LTA4H: variants seen among roughly 807,000 people sequenced by gnomAD.
The protein encoded by LTA4H is leukotriene A-4 hydrolase.
Under a neutral mutation model 89.8 loss-of-function variants are expected in LTA4H, and 59 were observed. The observed-to-expected ratio is 0.66, with a 90% CI of 0.53 to 0.82. LTA4H has a LOEUF of 0.82. Among genes scored for constraint, LTA4H ranks in the 40% least tolerant of loss-of-function variants. The pLI is 0.00. For synonymous variants in LTA4H, 227 were observed against 253.1 expected, an observed-to-expected ratio of 0.90 and a Z score of 0.98; for missense variants, 617 against 727.0, an observed-to-expected ratio of 0.85 and a Z score of 1.74.
upstream of LTA4H, among the ~76,000 whole-genome samples, chr12:96,035,991 G>C (rs1383919470): frequency 6.6e-6 from 1 of 152,196 alleles, no homozygotes; most frequent in Non-Finnish European, 1.5e-5. Context: ...ACGTAGAAAA[G>C]GCCTATCAGA....
At chr12:96,035,247 G>T (rs941418244) in intron 1 of LTA4H, 114 bp downstream of exon 1, 1 of 1,085,820 alleles carries the variant, frequency 9.2e-7, no homozygotes, top group Non-Finnish European at 1.3e-6. Flanking sequence ...CGGGGACGTG[G>T]GGCTAGGCAG....
chr12:96,020,899 T>C, intron 6 of LTA4H, 186 bp downstream of exon 6: 1 of 535,964 alleles, frequency 1.9e-6, no homozygotes, highest in Non-Finnish European at 3.3e-6. Flanking sequence ...AAATAAGGGG[T>C]AACTGGTCAA....
intron 7 of LTA4H, 56 bp downstream of exon 7, chr12:96,019,112 A>G: frequency 6.7e-7 from 1 of 1,499,956 alleles, no homozygotes; most frequent in Non-Finnish European, 9.1e-7. Context: ...TTCACACTCA[A>G]AATCTTCAAT....
chr12:96,012,351 T>C (rs1267947160), intron 14 of LTA4H: 1 of 152,192 alleles, frequency 6.6e-6, no homozygotes, highest in African/African-American at 2.4e-5. Flanking sequence ...CCATGGTCAG[T>C]GTCCTCACAC....
At chr12:96,040,329 G>C (rs553243411), upstream of LTA4H, among the ~76,000 whole-genome samples, 5 of 152,174 alleles carry the variant, frequency 3.3e-5, no homozygotes, top group Non-Finnish European at 7.4e-5. Context: ...CATCTGGCAT[G>C]ATAGAGATCA....
intron 1 of LTA4H, among the ~76,000 whole-genome samples, chr12:96,041,015 A>G (rs994242206): frequency 1.3e-5 from 2 of 152,232 alleles, no homozygotes; most frequent in African/African-American, 2.4e-5. Flanking sequence ...TAACATTGCC[A>G]GTTGATATTA....
chr12:96,033,505 G>C (rs149655011), intron 1 of LTA4H, among the ~76,000 whole-genome samples: 1 of 152,282 alleles, frequency 6.6e-6, no homozygotes, highest in East Asian at 1.9e-4. Flanking sequence ...TAGTACTTTT[G>C]AATGTAGGAC....
At chr12:96,018,421 CACCT>C (rs1289138374) in intron 8 of LTA4H, among the ~76,000 whole-genome samples, 1 of 152,032 alleles carries the variant, frequency 6.6e-6, no homozygotes, top group Non-Finnish European at 1.5e-5. Flanking sequence ...TGGTGGTGTG[CACCT>C]ATAGTCCCAG....
At position 96,022,390 on chromosome 12, in the gene LTA4H, C is replaced by G. The variant is rs1950463775; in HGVS notation, c.481-139G>C. The stretch of plus-strand genomic sequence containing the variant: ...TGAACACAAAAAGTATATACATATA[C>G]AAAAAGTATATATATACACACACAT... On this transcript the variant is annotated intron_variant, in intron 4 of 18. Transcript: ENST00000228740. The surrounding 1 kb of genome is among the most constrained non-coding windows in gnomAD (Gnocchi z 4.0). 2.4e-5 allele frequency: 14 copies of G among 594,848 alleles called. No homozygotes were observed. The highest frequency in any genetic ancestry group is 3.0e-6 in the Non-Finnish European group (1 of 338,642). The allele number at this position is 594,848 out of a possible 1,614,324, so 36.8% of individuals were successfully genotyped here. A position where few individuals can be genotyped will look rare whatever the true frequency, so the allele number is the denominator to read the frequency against.
intron 18 of LTA4H, 73 bp from the exon 19 acceptor site, chr12:96,001,179 A>G (rs1592858928): frequency 1.1e-6 from 1 of 919,098 alleles, no homozygotes; most frequent in Non-Finnish European, 1.8e-6. Flanking sequence ...GAGGGAGAGA[A>G]GAAAGAAAGG....
chr12:96,002,830 C>CT (rs1950126751), intron 18 of LTA4H, 130 bp downstream of exon 18: 1 of 624,064 alleles, frequency 1.6e-6, no homozygotes. Flanking sequence ...GTGTGAATCC[C>CT]TATTCCAAAA....
rs768476207 is a variant in LTA4H at position 96,017,519 on chromosome 12, T to C, written c.876+38A>G. On this transcript the variant is annotated intron_variant, in intron 9 of 18. Coordinates refer to ENST00000228740, the MANE Select transcript of LTA4H (RefSeq NM_000895.3). ...TTTTAAAATCAGTTGACGTAATACTTCTTGAAGGTAAGGCCATAATGAAAA... is the reference window on the plus strand; with the variant it reads ...TTTTAAAATCAGTTGACGTAATACTCCTTGAAGGTAAGGCCATAATGAAAA... 22 of 1,574,654 alleles carry C rather than the reference T, an allele frequency of 1.4e-5. No individual in the cohort carries two copies. The South Asian group carries it at 1.5e-4, about 10-fold the overall frequency.
At chr12:96,025,049 C>T (rs1950498567) in intron 3 of LTA4H, among the ~76,000 whole-genome samples, 2 of 152,286 alleles carry the variant, frequency 1.3e-5, no homozygotes, top group South Asian at 4.1e-4. Flanking sequence ...GGTTAACCCT[C>T]ACATTTCAGT....
Position 96,022,066 on chromosome 12 carries a change from G to A in LTA4H, c.585+81C>T. ...CTCAAAATTCTGAAATATTTCAAAA[G>A]TAATTTTGCCCTCTGGATGTGTACA... On this transcript the variant is annotated intron_variant, in intron 5 of 18. Coordinates refer to ENST00000228740, the MANE Select transcript of LTA4H (RefSeq NM_000895.3). This position sits in a 1 kb window ranked among gnomAD's most constrained non-coding sequence, Gnocchi z 4.0. 2.5e-6 allele frequency: 2 copies of A among 789,324 alleles called. No homozygotes were observed. The highest frequency in any genetic ancestry group is 4.2e-6 in the Non-Finnish European group (2 of 474,372). 48.9% of individuals were successfully genotyped at this position (789,324 alleles called of 1,614,324 possible). A position where few individuals can be genotyped will look rare whatever the true frequency, so the allele number is the denominator to read the frequency against.
intron 10 of LTA4H, among the ~76,000 whole-genome samples, chr12:96,016,183 G>A (rs759338904): frequency 9.7e-4 from 147 of 151,040 alleles, no homozygotes; most frequent in Non-Finnish European, 1.7e-3. Flanking sequence ...GCATGGTGGC[G>A]TGCACCTGTA....
chr12:96,019,711 C>T (rs1331101591), intron 6 of LTA4H, among the ~76,000 whole-genome samples: 1 of 151,358 alleles, frequency 6.6e-6, no homozygotes, highest in Non-Finnish European at 1.5e-5. Context: ...CCTGCCTCAG[C>T]CTCCCTAGTA....
intron 14 of LTA4H, chr12:96,012,336 A>C (rs554813642): frequency 6.6e-6 from 1 of 152,360 alleles, no homozygotes; most frequent in Non-Finnish European, 1.5e-5. Context: ...ATGCCATGGA[A>C]CATGCCATGG....
Position 96,027,567 on chromosome 12 carries a change from G to T in LTA4H, c.291-3C>A. 3 of 1,553,320 alleles carry T rather than the reference G, an allele frequency of 1.9e-6. No homozygotes were observed. The highest frequency in any genetic ancestry group is 2.7e-6 in the Non-Finnish European group (3 of 1,131,064). ...TTTCTATAACAATTTCTTGATTTCT[G>T]TATGAAACACATAAATATATTAGTA... On this transcript the variant is annotated splice_polypyrimidine_tract_variant and splice_region_variant and intron_variant, in intron 2 of 18. Coordinates refer to ENST00000228740, the MANE Select transcript of LTA4H (RefSeq NM_000895.3).
At chr12:96,029,842 CTT>C (rs1214304738) in intron 1 of LTA4H, among the ~76,000 whole-genome samples, 3 of 152,170 alleles carry the variant, frequency 2.0e-5, no homozygotes, top group African/African-American at 7.2e-5. Context: ...CAACTAATCT[CTT>C]GTCCTAGAAT....
Sources: allele counts gnomAD v4.1 joint callset (sites outside exome capture counted in the v4.1 genomes callset), GRCh38; gene constraint gnomAD v4.1.1; non-coding constraint Gnocchi (gnomAD v3.1); transcripts MANE v1.5; gene names NCBI Gene and HGNC (gene_info 2026-07-23, HGNC 2026-07-21).